RBMS3: variants seen among roughly 807,000 people sequenced by gnomAD.
RBMS3 encodes RNA-binding motif, single-stranded-interacting protein 3.
Under a neutral mutation model 66.8 loss-of-function variants are expected in RBMS3, and 27 were observed. That is an observed-to-expected ratio of 0.40 (90% CI 0.30 to 0.56). The LOEUF (loss-of-function observed/expected upper bound fraction) is 0.56. Ranked by LOEUF, RBMS3 falls within the 20% of genes least tolerant of loss-of-function variation. RBMS3 has a pLI of 0.40. For synonymous variants in RBMS3, 188 were observed against 183.0 expected (o/e 1.03, Z -0.22); for missense variants, 513 against 549.5 (o/e 0.93, Z 0.66).
intron 1 of RBMS3, among the ~76,000 whole-genome samples, chr3:29,425,705 A>G (rs1479464214): frequency 2.0e-5 from 3 of 152,198 alleles, no homozygotes; most frequent in Non-Finnish European, 4.4e-5. Context: ...TTAGGCAAAT[A>G]TATCTTTCTT....
intron 3 of RBMS3, among the ~76,000 whole-genome samples, chr3:29,498,263 G>A (rs992912351): frequency 2.0e-5 from 3 of 151,662 alleles, no homozygotes; most frequent in Admixed American, 6.6e-5. Flanking sequence ...CCAAAGTGCT[G>A]GGATTACAGG....
At chr3:29,784,204 G>T (rs546860022) in intron 6 of RBMS3, among the ~76,000 whole-genome samples, 77 of 152,172 alleles carry the variant, frequency 5.1e-4, no homozygotes, top group Non-Finnish European at 9.6e-4. Context: ...GGATTTAACA[G>T]ATATTTTCAG....
At chr3:29,972,107 A>G (rs77160048) in intron 12 of RBMS3, among the ~76,000 whole-genome samples, 16,062 of 152,070 alleles carry the variant, frequency 0.11, 1,569 homozygotes, top group African/African-American at 0.23. Flanking sequence ...CAAACTAACT[A>G]TTCTTCAATT....
intron 4 of RBMS3, among the ~76,000 whole-genome samples, chr3:29,685,718 ATTTG>A (rs764270226): frequency 1.3e-4 from 20 of 152,210 alleles, no homozygotes; most frequent in Admixed American, 3.9e-4. Context: ...AAAATGTAAT[ATTTG>A]TTTGAGAGCT....
chr3:29,682,579 C>T (rs894703063), intron 4 of RBMS3, among the ~76,000 whole-genome samples: 5 of 152,124 alleles, frequency 3.3e-5, no homozygotes, highest in African/African-American at 1.2e-4. Flanking sequence ...GTTTTTGCCA[C>T]AGGCAGGAGT....
At chr3:29,311,749 G>T (rs915639360) in intron 1 of RBMS3, among the ~76,000 whole-genome samples, 1 of 151,734 alleles carries the variant, frequency 6.6e-6, no homozygotes, top group Non-Finnish European at 1.5e-5. Context: ...CTTGAATAGC[G>T]GAAGAGAAGA....
At chr3:29,958,993 G>A (rs1696225110) in intron 12 of RBMS3, among the ~76,000 whole-genome samples, 1 of 152,106 alleles carries the variant, frequency 6.6e-6, no homozygotes, top group Non-Finnish European at 1.5e-5. Flanking sequence ...ATTCCTGAAT[G>A]GCCAGACATA....
intron 4 of RBMS3, among the ~76,000 whole-genome samples, chr3:29,684,813 C>CACACACACACACACACAG (rs1386408420): frequency 6.9e-6 from 1 of 144,878 alleles, no homozygotes; most frequent in African/African-American, 2.5e-5. Context: ...CACACACACA[C>CACACACACACACACACAG]ACAGACACAT....
chr3:29,671,441 T>G (rs1374348602), intron 4 of RBMS3, among the ~76,000 whole-genome samples: 1 of 152,206 alleles, frequency 6.6e-6, no homozygotes, highest in Non-Finnish European at 1.5e-5. Flanking sequence ...TTTGACAAGT[T>G]GACAAAAGTA....
At chr3:29,913,535 G>A (rs1395146154) in intron 10 of RBMS3, among the ~76,000 whole-genome samples, 1 of 151,880 alleles carries the variant, frequency 6.6e-6, no homozygotes, top group Non-Finnish European at 1.5e-5. Context: ...AAAACTGAAA[G>A]CAAATTCCAA....
chr3:29,531,749 A>G (rs1314179771), intron 3 of RBMS3, among the ~76,000 whole-genome samples: 1 of 152,228 alleles, frequency 6.6e-6, no homozygotes, highest in African/African-American at 2.4e-5. Context: ...GGTAATGACT[A>G]TGATGCTAAG....
chr3:29,607,503 T>A (rs1349440270), intron 4 of RBMS3, among the ~76,000 whole-genome samples: 2 of 151,970 alleles, frequency 1.3e-5, no homozygotes, highest in Admixed American at 6.6e-5. Flanking sequence ...TATGATCTAA[T>A]GATTCCCAAA....
intron 1 of RBMS3, among the ~76,000 whole-genome samples, chr3:29,306,663 A>G (rs1211744570): frequency 6.6e-6 from 1 of 151,940 alleles, no homozygotes; most frequent in Non-Finnish European, 1.5e-5. Flanking sequence ...ATCCATATAC[A>G]TAAGGAAGAA....
Position 29,897,491 on chromosome 3 carries a change from C to G in RBMS3, c.888+16C>G. 1 of 1,595,366 alleles carries G rather than the reference C, an allele frequency of 6.3e-7. No individual in the cohort carries two copies. Among genetic ancestry groups the G allele is most frequent in the South Asian group, 1.1e-5 (1 of 90,678 alleles). On this transcript the variant is annotated intron_variant, in intron 9 of 14. Coordinates refer to ENST00000383767, the MANE Select transcript of RBMS3 (RefSeq NM_001003793.3). The stretch of plus-strand genomic sequence containing the variant: ...CACATACCAGGTATGTCCAATTTAC[C>G]TGCACCTTAGGAGATATCTTTCTTG...
chr3:29,636,031 A>G, intron 4 of RBMS3, among the ~76,000 whole-genome samples: 1 of 124,384 alleles, frequency 8.0e-6, no homozygotes, highest in South Asian at 3.2e-4. Flanking sequence ...TGATGCTGTC[A>G]TCAAGAATGT....
chr3:29,712,129 G>C (rs187938940), intron 4 of RBMS3, among the ~76,000 whole-genome samples: 2 of 152,012 alleles, frequency 1.3e-5, no homozygotes, highest in African/African-American at 2.4e-5. Flanking sequence ...AGAGAAAAAG[G>C]TTTTCTCTGT....
chr3:29,547,965 T>C (rs926383034), intron 3 of RBMS3, among the ~76,000 whole-genome samples: 3 of 151,966 alleles, frequency 2.0e-5, no homozygotes, highest in Non-Finnish European at 4.4e-5. Flanking sequence ...TGGCTAATTA[T>C]TATATTATTA....
intron 14 of RBMS3, among the ~76,000 whole-genome samples, chr3:29,998,448 A>G (rs1045234771): frequency 2.2e-4 from 33 of 152,194 alleles, no homozygotes; most frequent in African/African-American, 6.5e-4. Context: ...AAAAGAGCCC[A>G]CATCGCCAAG....
At chr3:29,920,871 A>AAC (rs1318156239) in intron 10 of RBMS3, among the ~76,000 whole-genome samples, 16 of 150,834 alleles carry the variant, frequency 1.1e-4, no homozygotes, top group African/African-American at 3.7e-4. Context: ...AAAAAAAAAA[A>AAC]ACCTCAGATA....
Sources: gnomAD v4.1 joint callset for allele counts (sites outside exome capture counted in the v4.1 genomes callset) on GRCh38, gnomAD v4.1.1 for gene constraint, MANE v1.5 for transcripts, NCBI Gene and HGNC (gene_info 2026-07-23, HGNC 2026-07-21) for gene names.